The following TPTE variants were observed in gnomAD, a reference collection of about 807,000 sequenced individuals.
TPTE encodes putative tyrosine-protein phosphatase TPTE.
In TPTE, 59 loss-of-function variants were observed where a neutral mutation model predicts 84.1. The ratio of observed to expected loss-of-function variants is 0.70; its 90% CI spans 0.57 to 0.87. The LOEUF (loss-of-function observed/expected upper bound fraction) is 0.87, where lower values mean the gene tolerates loss of function less well. Ranked by LOEUF, TPTE falls within the 40% of genes least tolerant of loss-of-function variation. The pLI is 0.00. For missense variants in TPTE, 382 were observed against 659.6 expected, an observed-to-expected ratio of 0.58 and a Z score of 4.61; for synonymous variants, 130 against 223.5, an observed-to-expected ratio of 0.58 and a Z score of 3.73.
At chr21:10,549,620 A>G (rs1291420883) in intron 7 of TPTE, among the ~76,000 whole-genome samples, 2 of 152,298 alleles carry the variant, frequency 1.3e-5, no homozygotes, top group Non-Finnish European at 2.9e-5. Flanking sequence ...CTTGAAGACA[A>G]GTCTTTTGAA....
At chr21:10,568,356 C>A (rs113578493) in intron 11 of TPTE, among the ~76,000 whole-genome samples, 80 of 152,180 alleles carry the variant, frequency 5.3e-4, no homozygotes, top group Non-Finnish European at 1.5e-4. Context: ...GGAGATGACA[C>A]GTGGCAACAC....
intron 7 of TPTE, among the ~76,000 whole-genome samples, chr21:10,548,939 G>A (rs537104971): frequency 1.3e-3 from 201 of 152,058 alleles, no homozygotes; most frequent in Middle Eastern, 6.8e-3. Flanking sequence ...TGGCTAGAGT[G>A]ATGGCACCAT....
intron 3 of TPTE, among the ~76,000 whole-genome samples, chr21:10,528,118 C>G (rs1209253174): frequency 6.6e-6 from 1 of 152,276 alleles, no homozygotes; most frequent in Non-Finnish European, 1.5e-5. Context: ...AATCAAGTAC[C>G]AGGTGCCAAA....
intron 4 of TPTE, 83 bp from the exon 5 acceptor site, chr21:10,541,029 G>T: frequency 6.3e-7 from 1 of 1,576,020 alleles, no homozygotes; most frequent in African/African-American, 1.3e-5. Flanking sequence ...ACTGGGGAAT[G>T]ACACATAGAC....
At chr21:10,527,153 T>TCC in intron 2 of TPTE, among the ~76,000 whole-genome samples, 1 of 149,450 alleles carries the variant, frequency 6.7e-6, no homozygotes, top group Middle Eastern at 3.3e-3. Flanking sequence ...TCTCTCTCTC[T>TCC]CTCTCACACA....
At chr21:10,555,923 T>C (rs537167889) in intron 8 of TPTE, among the ~76,000 whole-genome samples, 199 of 152,326 alleles carry the variant, frequency 1.3e-3, no homozygotes, top group Middle Eastern at 3.4e-3. Flanking sequence ...TTCTATCTTC[T>C]TCCACACCTT....
At chr21:10,539,543 G>A (rs1195313099) in intron 4 of TPTE, among the ~76,000 whole-genome samples, 15 of 152,426 alleles carry the variant, frequency 9.8e-5, no homozygotes, top group Admixed American at 3.3e-4. Context: ...GCTGTCTGTC[G>A]TGCATTGGCC....
At chr21:10,540,899 C>T (rs543714936) in intron 4 of TPTE, among the ~76,000 whole-genome samples, 3 of 152,418 alleles carry the variant, frequency 2.0e-5, no homozygotes, top group Admixed American at 6.5e-5. Context: ...CTGCATGCAT[C>T]GCTATGGTCA....
intron 7 of TPTE, among the ~76,000 whole-genome samples, chr21:10,549,880 G>T (rs1241716654): frequency 3.3e-5 from 5 of 152,294 alleles, no homozygotes; most frequent in Non-Finnish European, 5.9e-5. Context: ...TAGTCAAATT[G>T]TGAAAAATCA....
At chr21:10,533,181 A>G (rs1412474063) in intron 3 of TPTE, among the ~76,000 whole-genome samples, 2 of 152,306 alleles carry the variant, frequency 1.3e-5, no homozygotes, top group Non-Finnish European at 1.5e-5. Flanking sequence ...TTCTCAATCT[A>G]ATCTTCTAAC....
At chr21:10,547,913 C>A (rs1289354161) in intron 7 of TPTE, among the ~76,000 whole-genome samples, 1 of 152,310 alleles carries the variant, frequency 6.6e-6, no homozygotes, top group Admixed American at 6.5e-5. Flanking sequence ...ATGCCCTCTC[C>A]CAAGTGGGAG....
intron 2 of TPTE, among the ~76,000 whole-genome samples, chr21:10,525,006 T>C (rs2145569937): frequency 6.6e-6 from 1 of 152,428 alleles, no homozygotes; most frequent in Admixed American, 6.5e-5. Flanking sequence ...ATGCATATAC[T>C]GGTCACTTTA....
chr21:10,552,797 A>G, intron 8 of TPTE, 81 bp downstream of exon 8: 2 of 1,608,976 alleles, frequency 1.2e-6, no homozygotes. Flanking sequence ...CGCTGAGGCA[A>G]GAAGGAAAAA....
At chr21:10,527,155 T>TCACACACACA (rs1302903658) in intron 2 of TPTE, among the ~76,000 whole-genome samples, 200 bp from the exon 3 acceptor site, 245 of 144,342 alleles carry the variant, frequency 1.7e-3, no homozygotes, top group African/African-American at 5.6e-3. Flanking sequence ...TCTCTCTCTC[T>TCACACACACA]CTCACACACA....
At chr21:10,573,020 A>C (rs1330396518) in intron 14 of TPTE, among the ~76,000 whole-genome samples, 1 of 152,298 alleles carries the variant, frequency 6.6e-6, no homozygotes, top group Admixed American at 6.5e-5. Flanking sequence ...AAACAGATCA[A>C]ATTCCCAATT....
At chr21:10,561,355 G>C (rs1332113105) in intron 10 of TPTE, among the ~76,000 whole-genome samples, 164 bp downstream of exon 10, 3 of 152,306 alleles carry the variant, frequency 2.0e-5, no homozygotes, top group Non-Finnish European at 4.4e-5. Context: ...AGCTGGGCAT[G>C]GTGGTGGTTG....
chr21:10,591,054 A>G (rs1415007253), intron 18 of TPTE, among the ~76,000 whole-genome samples: 1 of 152,306 alleles, frequency 6.6e-6, no homozygotes, highest in Non-Finnish European at 1.5e-5. Flanking sequence ...TAAATTCTCC[A>G]AAGAGCCTTG....
chr21:10,524,140 G>T (rs879640176), intron 1 of TPTE, among the ~76,000 whole-genome samples: 1 of 152,270 alleles, frequency 6.6e-6, no homozygotes, highest in Non-Finnish European at 1.5e-5. Context: ...TTCTCAATAG[G>T]AGGTAAAGAC....
chr21:10,556,161 T>G (rs1470825813), intron 8 of TPTE, among the ~76,000 whole-genome samples: 1 of 152,310 alleles, frequency 6.6e-6, no homozygotes, highest in Non-Finnish European at 1.5e-5. Context: ...TCATTTACAT[T>G]AGGTGTATCT....
Sources: gnomAD v4.1 joint callset for allele counts (sites outside exome capture counted in the v4.1 genomes callset) on GRCh38, gnomAD v4.1.1 for gene constraint, MANE v1.5 for transcripts, NCBI Gene and HGNC (gene_info 2026-07-23, HGNC 2026-07-21) for gene names.